DAZAP1: variants seen among roughly 807,000 people sequenced by gnomAD.
DAZAP1 encodes the protein DAZ-associated protein 1.
In DAZAP1, 6 loss-of-function variants were observed where a neutral mutation model predicts 60.1. The observed-to-expected ratio is 0.10, with a 90% CI of 0.05 to 0.20. The LOEUF is 0.20. Among genes scored for constraint, DAZAP1 ranks in the 10% least tolerant of loss-of-function variants. DAZAP1 has a pLI of 1.00. For missense variants in DAZAP1, 366 were observed against 560.4 expected (o/e 0.65, Z 3.50); for synonymous variants, 235 against 215.9 (o/e 1.09, Z -0.78).
intron 1 of DAZAP1, among the ~76,000 whole-genome samples, chr19:1,413,031 C>G (rs1276557859): frequency 1.3e-5 from 2 of 152,198 alleles, no homozygotes; most frequent in Non-Finnish European, 2.9e-5. Context: ...TGATGACTCT[C>G]CCACCCAGCG....
chr19:1,423,381 C>T lies in DAZAP1; in HGVS notation c.463+985C>T, dbSNP rs1055144125. On this transcript the variant is annotated intron_variant, in intron 6 of 11. Transcript: ENST00000233078. This position sits in a 1 kb window ranked among gnomAD's most constrained non-coding sequence, Gnocchi z 6.8. The stretch of plus-strand genomic sequence containing the variant: ...TGTTAAGTAAGCTGTTTTTCCTTTT[C>T]TCTCTGTGAATTGTGTGTGATTAAC... Among the ~76,000 whole-genome samples, 3 of 152,228 alleles carry T rather than the reference C, an allele frequency of 2.0e-5. No homozygotes were observed. The highest frequency in any genetic ancestry group is 7.2e-5 in the African/African-American group (3 of 41,466).
chr19:1,419,605 C>G (rs1232283269), intron 4 of DAZAP1, among the ~76,000 whole-genome samples: 1 of 152,218 alleles, frequency 6.6e-6, no homozygotes, highest in African/African-American at 2.4e-5. Flanking sequence ...AAGTGTCTCT[C>G]ATAGCTGGTT....
In DAZAP1 at chr19:1,430,254, G is replaced by GGCCCCCCCCCCCCCCC; in HGVS notation, c.763_764insGCCCCCCCCCCCCCCC (p.Ala255GlyfsTer177). Reference sequence around the variant, plus strand: ...TGGACCGCCCCCTGCAGGAAGAGGAGCCCCCCCGCCACCCCCACCGTTCAC... The same window carrying GGCCCCCCCCCCCCCCC: ...TGGACCGCCCCCTGCAGGAAGAGGAGGCCCCCCCCCCCCCCCCCCCCCCGCCACCCCCACCGTTCAC... On this transcript the variant is annotated frameshift_variant, in exon 10 of 12. Coordinates refer to ENST00000233078, the MANE Select transcript of DAZAP1 (RefSeq NM_018959.4). LOFTEE classifies it high-confidence loss of function. 9 of 1,295,254 alleles carry GGCCCCCCCCCCCCCCC rather than the reference G, an allele frequency of 6.9e-6. No individual in the cohort carries two copies. Among genetic ancestry groups the GGCCCCCCCCCCCCCCC allele is most frequent in the Admixed American group, 2.0e-5 (1 of 48,784 alleles). 80.2% of individuals were successfully genotyped at this position (1,295,254 alleles called of 1,614,324 possible). A position where few individuals can be genotyped will look rare whatever the true frequency, so the allele number is the denominator to read the frequency against.
At chr19:1,421,890 G>A (rs1421426046) in intron 5 of DAZAP1, among the ~76,000 whole-genome samples, 1 of 152,218 alleles carries the variant, frequency 6.6e-6, no homozygotes, top group Non-Finnish European at 1.5e-5. Flanking sequence ...GCCTGAGCGG[G>A]GCCTGGAAGA....
rs575355883 is a variant in DAZAP1 at position 1,429,962 on chromosome 19, T to C, written c.701-5T>C. 34 of 1,566,418 alleles carry C rather than the reference T, an allele frequency of 2.2e-5. No homozygotes were observed. The highest frequency in any genetic ancestry group is 2.8e-5 in the Non-Finnish European group (32 of 1,154,488). ...GCCAACCTCCTCTTCTGTTCTCTTA[T>C]CTAGGAATGTGGGTGCCGGCAGGAC... On this transcript the variant is annotated splice_region_variant and splice_polypyrimidine_tract_variant and intron_variant, in intron 8 of 11. Coordinates refer to ENST00000233078, the MANE Select transcript of DAZAP1 (RefSeq NM_018959.4).
At position 1,433,855 on chromosome 19, in the gene DAZAP1, C is replaced by G. The variant is rs769612262; in HGVS notation, c.1049-882C>G. 1 of 1,598,814 alleles carries G rather than the reference C, an allele frequency of 6.3e-7. No individual in the cohort carries two copies. The highest frequency in any genetic ancestry group is 1.7e-5 in the Admixed American group (1 of 59,886). Reference sequence around the variant, plus strand: ...AGGTGCCGCCTCCTTCTCCAGGGTCCTCCCACCCGCCTGCACCGGGAGGTG... The same window carrying G: ...AGGTGCCGCCTCCTTCTCCAGGGTCGTCCCACCCGCCTGCACCGGGAGGTG... On this transcript the variant is annotated intron_variant, in intron 11 of 11. Transcript: ENST00000233078. The surrounding 1 kb of genome is among the most constrained non-coding windows in gnomAD (Gnocchi z 6.1).
At chr19:1,409,271 C>T (rs1353185204) in intron 1 of DAZAP1, among the ~76,000 whole-genome samples, 1 of 152,128 alleles carries the variant, frequency 6.6e-6, no homozygotes, top group African/African-American at 2.4e-5. Context: ...TGGGGTGAGG[C>T]AGGGAAAGGG....
intron 1 of DAZAP1, among the ~76,000 whole-genome samples, chr19:1,411,310 T>G (rs2082823640): frequency 6.6e-6 from 1 of 152,212 alleles, no homozygotes; most frequent in Non-Finnish European, 1.5e-5. Context: ...GGCAGCACCT[T>G]TGGCCTCCAT....
chr19:1,418,815 G>A lies in DAZAP1; in HGVS notation c.303+84G>A, dbSNP rs1367629715. ...TGCGTGCCTTCAATCTGCTGTTGTC[G>A]CTCGTTAAGATTGAGGGCGACGCAG... On this transcript the variant is annotated intron_variant, in intron 4 of 11. Transcript: ENST00000233078. The surrounding 1 kb of genome is among the most constrained non-coding windows in gnomAD (Gnocchi z 5.7). The A allele has an allele frequency of 2.5e-5, 36 of 1,416,318 alleles. No homozygotes were observed. The highest frequency in any genetic ancestry group is 3.1e-5 in the Non-Finnish European group (32 of 1,040,780). 87.7% of individuals were successfully genotyped at this position (1,416,318 alleles called of 1,614,324 possible).
intron 1 of DAZAP1, chr19:1,417,224 C>T (rs908748237): frequency 9.8e-6 from 5 of 511,292 alleles, no homozygotes; most frequent in African/African-American, 5.8e-5. Flanking sequence ...ACTGGCCTGT[C>T]CCAGGAACTC....
In DAZAP1 at chr19:1,426,017, G is replaced by C; in HGVS notation, c.546+57G>C. The C allele has an allele frequency of 8.1e-7, 1 of 1,232,088 alleles. No individual in the cohort carries two copies. The highest frequency in any genetic ancestry group is 1.2e-6 in the Non-Finnish European group (1 of 831,704). 76.3% of individuals were successfully genotyped at this position (1,232,088 alleles called of 1,614,324 possible). On this transcript the variant is annotated intron_variant, in intron 7 of 11. Coordinates refer to ENST00000233078, the MANE Select transcript of DAZAP1 (RefSeq NM_018959.4). This position sits in a 1 kb window ranked among gnomAD's most constrained non-coding sequence, Gnocchi z 5.4. ...ACCAAACCAAGTCTTAGGCAACTTA[G>C]GGGTTTCACTGGAAAGGAACATTCC...
At chr19:1,413,989 C>CTGTGTGTGTGTGTGTG (rs3065755) in intron 1 of DAZAP1, among the ~76,000 whole-genome samples, 72 of 130,150 alleles carry the variant, frequency 5.5e-4, no homozygotes, top group Middle Eastern at 3.9e-3. Flanking sequence ...CCCCAGTGAA[C>CTGTGTGTGTGTGTGTG]TGTGTGTGTG....
intron 8 of DAZAP1, 42 bp downstream of exon 8, chr19:1,429,037 T>G (rs1457455876): frequency 1.3e-6 from 2 of 1,535,294 alleles, no homozygotes; most frequent in Non-Finnish European, 1.8e-6. Context: ...GTCCCCCTTC[T>G]CGGACTTGGC....
rs756622188 is a variant in DAZAP1 at position 1,433,709 on chromosome 19, G to C, written c.1048+1019G>C. 6.3e-7 allele frequency: 1 copy of C among 1,598,164 alleles called. No individual in the cohort carries two copies. The highest frequency in any genetic ancestry group is 2.2e-5 in the East Asian group (1 of 44,806). ...GCTGCTCTTGGTGGCGGCTGCTTGG[G>C]TTGGTCACCCTGGTCTCGTCTCTTG... On this transcript the variant is annotated intron_variant, in intron 11 of 11. Transcript: ENST00000233078. This position sits in a 1 kb window ranked among gnomAD's most constrained non-coding sequence, Gnocchi z 6.1.
At chr19:1,415,389 G>GTGTGT (rs751334899) in intron 1 of DAZAP1, among the ~76,000 whole-genome samples, 11 of 127,582 alleles carry the variant, frequency 8.6e-5, no homozygotes, top group African/African-American at 2.9e-4. Context: ...GTGTGTGTGT[G>GTGTGT]TTTTGTTTTT....
At position 1,435,067 on chromosome 19, in the gene DAZAP1, T is replaced by G; in HGVS notation, c.*155T>G. 1.9e-6 allele frequency: 1 copy of G among 530,726 alleles called. No homozygotes were observed. The highest frequency in any genetic ancestry group is 3.0e-6 in the Non-Finnish European group (1 of 335,518). The allele number at this position is 530,726 out of a possible 1,614,324, so 32.9% of individuals were successfully genotyped here. A position where few individuals can be genotyped will look rare whatever the true frequency, so the allele number is the denominator to read the frequency against. On this transcript the variant is annotated 3_prime_UTR_variant, in exon 12 of 12. Coordinates refer to ENST00000233078, the MANE Select transcript of DAZAP1 (RefSeq NM_018959.4). ...TTTTGGAGCGGCTGTGGGTGTCGTC[T>G]GGACTGAGGTTTTTAAATATTTCTT...
At chr19:1,414,792 A>T (rs989679153) in intron 1 of DAZAP1, among the ~76,000 whole-genome samples, 1 of 151,734 alleles carries the variant, frequency 6.6e-6, no homozygotes, top group Non-Finnish European at 1.5e-5. Context: ...AGTATTTTTT[A>T]TTTTTTTAAT....
In DAZAP1 at chr19:1,433,646, G is replaced by T. The variant is rs2083514476; in HGVS notation, c.1048+956G>T. Reference sequence around the variant, plus strand: ...TGGCGTGTCTGAGACTGGCAGGGGGGTGTGAGGCGCCCGGTTGGGGCGTGG... The same window carrying T: ...TGGCGTGTCTGAGACTGGCAGGGGGTTGTGAGGCGCCCGGTTGGGGCGTGG... On this transcript the variant is annotated intron_variant, in intron 11 of 11. Coordinates refer to ENST00000233078, the MANE Select transcript of DAZAP1 (RefSeq NM_018959.4). The surrounding 1 kb of genome is among the most constrained non-coding windows in gnomAD (Gnocchi z 6.1). The T allele has an allele frequency of 2.9e-6, 3 of 1,023,098 alleles. No individual in the cohort carries two copies. The highest frequency in any genetic ancestry group is 3.0e-4 in the Middle Eastern group (1 of 3,346). 63.4% of individuals were successfully genotyped at this position (1,023,098 alleles called of 1,614,324 possible). A position where few individuals can be genotyped will look rare whatever the true frequency, so the allele number is the denominator to read the frequency against.
intron 8 of DAZAP1, among the ~76,000 whole-genome samples, chr19:1,429,543 C>A (rs556638950): frequency 6.6e-6 from 1 of 150,968 alleles, no homozygotes; most frequent in Non-Finnish European, 1.5e-5. Context: ...AGATGTACGT[C>A]GTCCGGGTCC....
Sources: allele counts gnomAD v4.1 joint callset (sites outside exome capture counted in the v4.1 genomes callset), GRCh38; gene constraint gnomAD v4.1.1; non-coding constraint Gnocchi (gnomAD v3.1); transcripts MANE v1.5; gene names NCBI Gene and HGNC (gene_info 2026-07-23, HGNC 2026-07-21).